Variants in DPP6 observed in about 807,000 individuals in gnomAD.
DPP6 encodes dipeptidyl peptidase like 6, also known as A-type potassium channel modulatory protein DPP6.
A neutral mutation model predicts 122.6 loss-of-function variants in DPP6; 69 were observed. The ratio of observed to expected loss-of-function variants is 0.56; its 90% confidence interval spans 0.46 to 0.69. The LOEUF (loss-of-function observed/expected upper bound fraction) is 0.69. Among genes scored for constraint, DPP6 ranks in the 30% least tolerant of loss-of-function variants. The pLI is 0.00. For synonymous variants in DPP6, 418 were observed against 433.1 expected, an observed-to-expected ratio of 0.97 and a Z score of 0.43; for missense variants, 928 against 1,116.9, an observed-to-expected ratio of 0.83 and a Z score of 2.41.
rs948982340 is a variant in DPP6 at position 154,697,534 on chromosome 7, C to T, written c.762+28093C>T. On this transcript the variant is annotated intron_variant, in intron 7 of 25. Coordinates refer to ENST00000377770, the MANE Select transcript of DPP6 (RefSeq NM_130797.4). ...GTGGCCCTGCCATCCCACAGACATC[C>T]TCCAGGAAGCCAAGGATGGGAAGGA... Among the ~76,000 whole-genome samples the T allele has an allele frequency of 6.6e-5, 10 of 152,346 alleles. No individual in the cohort carries two copies. In the East Asian group the frequency reaches 1.7e-3, roughly 26 times the overall value.
At chr7:154,543,596 C>G (rs1179359726) in intron 4 of DPP6, among the ~76,000 whole-genome samples, 1 of 152,200 alleles carries the variant, frequency 6.6e-6, no homozygotes, top group Non-Finnish European at 1.5e-5. Flanking sequence ...TTTCCTTCCC[C>G]CAAACAATTT....
intron 2 of DPP6, among the ~76,000 whole-genome samples, chr7:154,453,662 G>A (rs1820582962): frequency 6.6e-6 from 1 of 151,982 alleles, no homozygotes; most frequent in Non-Finnish European, 1.5e-5. Context: ...AAAGCAGAAT[G>A]CAGCCAGCAT....
chr7:154,608,075 G>A (rs1436415060), intron 5 of DPP6, among the ~76,000 whole-genome samples: 2 of 144,056 alleles, frequency 1.4e-5, no homozygotes, highest in African/African-American at 2.5e-5. Flanking sequence ...CGCCTCCCAG[G>A]TTCAAGCAAT....
At chr7:154,752,794 G>C (rs529183017) in intron 8 of DPP6, among the ~76,000 whole-genome samples, 4 of 152,198 alleles carry the variant, frequency 2.6e-5, no homozygotes, top group Non-Finnish European at 4.4e-5. Context: ...AGAAGGTTCT[G>C]GGGGTGAGCT....
At chr7:154,427,271 AG>A (rs2080184681) in intron 1 of DPP6, among the ~76,000 whole-genome samples, 1 of 152,216 alleles carries the variant, frequency 6.6e-6, no homozygotes, top group South Asian at 2.1e-4. Flanking sequence ...GTTTTGAAAA[AG>A]CTTGAGATTA....
chr7:154,884,761 TCACA>T (rs560910713), intron 21 of DPP6: 5,878 of 150,444 alleles, frequency 0.039, 144 homozygotes, highest in East Asian at 0.063. Flanking sequence ...TCATACATGC[TCACA>T]CAGGCATACA....
chr7:154,128,828 C>G (rs1315966255), intron 1 of DPP6, among the ~76,000 whole-genome samples: 1 of 149,760 alleles, frequency 6.7e-6, no homozygotes, highest in East Asian at 1.9e-4. Context: ...ACTGCTGGGT[C>G]TTCTCCCTGA....
At chr7:154,364,164 A>C (rs1476145345) in intron 1 of DPP6, among the ~76,000 whole-genome samples, 1 of 152,204 alleles carries the variant, frequency 6.6e-6, no homozygotes, top group East Asian at 1.9e-4. Flanking sequence ...AAAACAAACA[A>C]ATCAAACTCA....
At chr7:154,259,688 CTG>C (rs1407119910) in intron 1 of DPP6, among the ~76,000 whole-genome samples, 1 of 152,174 alleles carries the variant, frequency 6.6e-6, no homozygotes, top group East Asian at 1.9e-4. Context: ...TAAATCAAGT[CTG>C]TAGCACAGAC....
At chr7:153,759,999 CTG>C in the DPP6 span, among the ~76,000 whole-genome samples, 5 of 151,136 alleles carry the variant, frequency 3.3e-5, no homozygotes, top group African/African-American at 7.3e-5. Context: ...CTCTCTCTAT[CTG>C]TATGTGAGTG....
intron 16 of DPP6, among the ~76,000 whole-genome samples, chr7:154,847,567 TG>T (rs1449419883): frequency 6.6e-6 from 1 of 152,224 alleles, no homozygotes; most frequent in Admixed American, 6.5e-5. Context: ...ATATATTTAT[TG>T]GGTACAATGT....
chr7:154,281,662 T>C (rs1804524284), intron 1 of DPP6, among the ~76,000 whole-genome samples: 1 of 152,212 alleles, frequency 6.6e-6, no homozygotes, highest in African/African-American at 2.4e-5. Flanking sequence ...TGCTAAGTGG[T>C]ATTTCAAAGG....
At chr7:154,707,411 C>A (rs1007983494) in intron 7 of DPP6, among the ~76,000 whole-genome samples, 25 of 152,106 alleles carry the variant, frequency 1.6e-4, no homozygotes, top group African/African-American at 6.0e-4. Context: ...AGGCAAGAAC[C>A]AATGAAAGAA....
intron 10 of DPP6, among the ~76,000 whole-genome samples, chr7:154,782,234 A>G (rs1282375179): frequency 6.6e-6 from 1 of 152,210 alleles, no homozygotes; most frequent in Non-Finnish European, 1.5e-5. Context: ...TAGAATAAAG[A>G]GAAATTTGGT....
intron 12 of DPP6, among the ~76,000 whole-genome samples, chr7:154,796,705 A>C (rs1292943820): frequency 6.6e-6 from 1 of 152,200 alleles, no homozygotes; most frequent in Non-Finnish European, 1.5e-5. Flanking sequence ...GATATGGTGG[A>C]TCCTATTTAT....
intron 2 of DPP6, among the ~76,000 whole-genome samples, chr7:154,470,644 CCACCGTAAAGAGTAACTA>C (rs1479328102): frequency 6.6e-6 from 1 of 152,164 alleles, no homozygotes; most frequent in Non-Finnish European, 1.5e-5. Flanking sequence ...TACACATTGG[CCACCGTAAAGAGTAACTA>C]CATCACTGCA....
the DPP6 span, among the ~76,000 whole-genome samples, chr7:153,810,907 A>G: frequency 1.3e-5 from 2 of 152,178 alleles, no homozygotes; most frequent in Non-Finnish European, 2.9e-5. Context: ...TGTGTCTATC[A>G]TATTCAAGAT....
chr7:154,051,450 G>C (rs59213906), upstream of DPP6, among the ~76,000 whole-genome samples: 1 of 150,998 alleles, frequency 6.6e-6, no homozygotes, highest in Non-Finnish European at 1.5e-5. Flanking sequence ...CGGGAGGGCC[G>C]GGAGGGGAAG....
intron 1 of DPP6, among the ~76,000 whole-genome samples, chr7:154,157,534 C>T (rs1289930708): frequency 6.6e-6 from 1 of 152,224 alleles, no homozygotes; most frequent in South Asian, 2.1e-4. Flanking sequence ...CTGCCTCTCT[C>T]CTCCTGAACT....
Sources: gnomAD v4.1 joint callset for allele counts (sites outside exome capture counted in the v4.1 genomes callset) on GRCh38, gnomAD v4.1.1 for gene constraint, MANE v1.5 for transcripts, NCBI Gene and HGNC (gene_info 2026-07-23, HGNC 2026-07-21) for gene names.